The following DSCAM variants were observed in gnomAD, a reference collection of about 807,000 sequenced individuals.
DSCAM encodes cell adhesion molecule DSCAM.
DSCAM carries 47 observed loss-of-function variants against 217.7 expected under a neutral mutation model. The ratio of observed to expected loss-of-function variants is 0.22; its 90% CI spans 0.17 to 0.28. DSCAM has a LOEUF of 0.28. DSCAM is among the 10% of genes least tolerant of loss of function. The probability of loss-of-function intolerance (pLI) is 1.00; values close to 1 mark genes in which losing one functional copy is unlikely to be tolerated. For missense variants in DSCAM, 2,080 were observed against 2,618.3 expected, an observed-to-expected ratio of 0.79 and a Z score of 4.49; for synonymous variants, 1,056 against 1,015.3, an observed-to-expected ratio of 1.04 and a Z score of -0.76.
At chr21:40,247,311 T>G (rs2073239621) in intron 11 of DSCAM, among the ~76,000 whole-genome samples, 1 of 152,118 alleles carries the variant, frequency 6.6e-6, no homozygotes, top group African/African-American at 2.4e-5. Context: ...CTTAACTCAT[T>G]TCAGTATTAA....
chr21:40,789,438 G>C (rs2091619959), intron 1 of DSCAM, among the ~76,000 whole-genome samples: 1 of 152,082 alleles, frequency 6.6e-6, no homozygotes, highest in Non-Finnish European at 1.5e-5. Flanking sequence ...TTCTGTAGCT[G>C]AGCAGCTTTG....
chr21:40,051,561 T>C (rs1425804880), intron 30 of DSCAM, among the ~76,000 whole-genome samples: 1 of 152,198 alleles, frequency 6.6e-6, no homozygotes, highest in Non-Finnish European at 1.5e-5. Flanking sequence ...ATAGAGGCTA[T>C]GATACCTGCT....
chr21:40,461,777 G>T (rs1239041725), intron 3 of DSCAM, among the ~76,000 whole-genome samples: 1 of 152,172 alleles, frequency 6.6e-6, no homozygotes, highest in Non-Finnish European at 1.5e-5. Context: ...GATGCAATGT[G>T]AAAAAGACTT....
intron 3 of DSCAM, among the ~76,000 whole-genome samples, chr21:40,509,340 T>G (rs1568863577): frequency 6.6e-6 from 1 of 152,192 alleles, no homozygotes; most frequent in Non-Finnish European, 1.5e-5. Context: ...TCTTTCCTAC[T>G]CGTATATTGA....
chr21:40,352,807 T>C (rs2074647113), intron 5 of DSCAM, among the ~76,000 whole-genome samples: 1 of 152,146 alleles, frequency 6.6e-6, no homozygotes, highest in African/African-American at 2.4e-5. Flanking sequence ...GGTGGTTGAG[T>C]AGATTAGATT....
chr21:40,494,124 GAAGA>G (rs1315620589), intron 3 of DSCAM, among the ~76,000 whole-genome samples: 2 of 151,874 alleles, frequency 1.3e-5, no homozygotes, highest in African/African-American at 2.4e-5. Context: ...AGCAAGAGAG[GAAGA>G]AAGAAACAAA....
chr21:40,780,415 GTGTGTGTGTATATA>G (rs1365215876), intron 1 of DSCAM, among the ~76,000 whole-genome samples: 1 of 44,188 alleles, frequency 2.3e-5, no homozygotes, highest in African/African-American at 1.9e-4. Flanking sequence ...GTGTGTGTGT[GTGTGTGTGTATATA>G]TATATATATA....
At chr21:40,099,633 A>G (rs1156258109) in intron 20 of DSCAM, among the ~76,000 whole-genome samples, 1 of 152,144 alleles carries the variant, frequency 6.6e-6, no homozygotes, top group East Asian at 1.9e-4. Context: ...ATTAAAGTTG[A>G]CTCTTCCTGT....
At chr21:40,481,045 C>T (rs777199231) in intron 3 of DSCAM, among the ~76,000 whole-genome samples, 11 of 152,204 alleles carry the variant, frequency 7.2e-5, no homozygotes, top group Non-Finnish European at 1.2e-4. Flanking sequence ...GCACCAGATG[C>T]GGCCCTTTGA....
intron 11 of DSCAM, among the ~76,000 whole-genome samples, chr21:40,191,529 TTTA>T (rs139501959): frequency 6.6e-6 from 1 of 152,330 alleles, no homozygotes; most frequent in Non-Finnish European, 1.5e-5. Context: ...TATTAATAGC[TTTA>T]TTGTGGTATA....
At position 40,339,339 on chromosome 21, in the gene DSCAM, G is replaced by A. The variant is rs376554579; in HGVS notation, c.1287C>T (p.Asn429=). The A allele has an allele frequency of 7.3e-5, 118 of 1,614,068 alleles. No homozygotes were observed. Among genetic ancestry groups the A allele is most frequent in the East Asian group, 4.7e-4 (21 of 44,844 alleles). The change falls in exon 7 of 33, where the codon AAC becomes AAT. Residue 429 remains asparagine, a synonymous_variant. Coordinates refer to ENST00000400454, the MANE Select transcript of DSCAM (RefSeq NM_001389.5). ...SPAEPVSLMC[N]VKGTPLPTIT... ...TCGTGGGCAAAGGTGTTCCCTTCAC[G>A]TTGCACATAAGGGAAACCGGCTCTG...
At chr21:40,245,601 C>T (rs2073212980) in intron 11 of DSCAM, among the ~76,000 whole-genome samples, 1 of 152,186 alleles carries the variant, frequency 6.6e-6, no homozygotes, top group South Asian at 2.1e-4. Flanking sequence ...GCTTTTCACC[C>T]TTTCAGGGTT....
chr21:40,825,961 G>C (rs1319911464), intron 1 of DSCAM, among the ~76,000 whole-genome samples: 1 of 152,180 alleles, frequency 6.6e-6, no homozygotes, highest in East Asian at 1.9e-4. Flanking sequence ...AACATTCATT[G>C]GTTTAATTAT....
rs1425419192 is a variant in DSCAM, at chr21:40,016,770, G to C, written c.5687-3384C>G. On this transcript the variant is annotated intron_variant, in intron 32 of 32. Transcript: ENST00000400454. The surrounding 1 kb of genome is among the most constrained non-coding windows in gnomAD (Gnocchi z 4.3). ...GACAGTGTTTAAAGCCTGAACCTTAGGAAACACCTTCAAGTTTACCCACAG... is the reference window on the plus strand; with the variant it reads ...GACAGTGTTTAAAGCCTGAACCTTACGAAACACCTTCAAGTTTACCCACAG... Among the ~76,000 whole-genome samples, 4 of 152,172 alleles carry C rather than the reference G, an allele frequency of 2.6e-5. No homozygotes were observed. Among genetic ancestry groups the C allele is most frequent in the Non-Finnish European group, 5.9e-5 (4 of 68,030 alleles).
At chr21:40,379,969 C>T (rs921178877) in intron 3 of DSCAM, among the ~76,000 whole-genome samples, 3 of 152,176 alleles carry the variant, frequency 2.0e-5, no homozygotes, top group South Asian at 4.1e-4. Context: ...CTAGAAATAA[C>T]ACCATCACAT....
intron 9 of DSCAM, among the ~76,000 whole-genome samples, chr21:40,300,339 T>G (rs1296517810): frequency 6.6e-6 from 1 of 152,230 alleles, no homozygotes; most frequent in African/African-American, 2.4e-5. Flanking sequence ...TTTCATTTCT[T>G]TTTATCAGGT....
intron 3 of DSCAM, among the ~76,000 whole-genome samples, chr21:40,638,742 C>A (rs1325954341): frequency 1.3e-5 from 2 of 152,126 alleles, no homozygotes; most frequent in African/African-American, 4.8e-5. Context: ...CCATTTTACT[C>A]GCGGCTAGAC....
intron 3 of DSCAM, among the ~76,000 whole-genome samples, chr21:40,407,150 AC>A (rs1234249473): frequency 6.6e-6 from 1 of 152,092 alleles, no homozygotes; most frequent in Non-Finnish European, 1.5e-5. Flanking sequence ...TGTTCACACC[AC>A]AAAAAATGAG....
intron 3 of DSCAM, among the ~76,000 whole-genome samples, chr21:40,620,232 AAGAAAG>A (rs200985423): frequency 9.2e-6 from 1 of 109,244 alleles, no homozygotes; most frequent in Non-Finnish European, 1.9e-5. Flanking sequence ...AAGAAAAAGA[AAGAAAG>A]AGAGAGAAAG....
Sources: gnomAD v4.1 joint callset for allele counts (sites outside exome capture counted in the v4.1 genomes callset) on GRCh38, gnomAD v4.1.1 for gene constraint, Gnocchi (gnomAD v3.1) non-coding constraint, MANE v1.5 for transcripts, NCBI Gene and HGNC (gene_info 2026-07-23, HGNC 2026-07-21) for gene names.